ETS1: variants seen among roughly 807,000 people sequenced by gnomAD.
The protein encoded by ETS1 is ETS proto-oncogene 1, transcription factor, also known as protein C-ets-1.
A neutral mutation model predicts 58.6 loss-of-function variants in ETS1; 15 were observed. The observed-to-expected ratio is 0.26, with a 90% CI of 0.17 to 0.39. The LOEUF (loss-of-function observed/expected upper bound fraction) is 0.39. ETS1 is among the 10% of genes least tolerant of loss of function. ETS1 has a pLI of 1.00. For missense variants in ETS1, 417 were observed against 610.5 expected (o/e 0.68, Z 3.34); for synonymous variants, 214 against 218.2 (o/e 0.98, Z 0.17).
chr11:128,546,380 G>C (rs1409050597), intron 3 of ETS1, among the ~76,000 whole-genome samples: 1 of 152,138 alleles, frequency 6.6e-6, no homozygotes, highest in Non-Finnish European at 1.5e-5. Flanking sequence ...AGTCATTCCT[G>C]TATACAGTCT....
intron 3 of ETS1, chr11:128,527,129 C>G (rs908718015): frequency 1.1e-5 from 4 of 362,732 alleles, no homozygotes; most frequent in Middle Eastern, 7.5e-4. Flanking sequence ...AATCCAACTT[C>G]TCTACACTGG....
In ETS1 at chr11:128,458,907, G is replaced by A. The variant is rs1359103629; in HGVS notation, c.*3454C>T. On this transcript the variant is annotated 3_prime_UTR_variant, in exon 10 of 10. Transcript: ENST00000392668. This position sits in a 1 kb window ranked among gnomAD's most constrained non-coding sequence, Gnocchi z 4.3. ...AAACAAACAAAAAACTCCGCCATAA[G>A]AATTTTTTTGCATTTTTTTTTAAAA... 1 of 152,362 alleles carries A rather than the reference G, an allele frequency of 6.6e-6. No homozygotes were observed. Among genetic ancestry groups the A allele is most frequent in the Admixed American group, 6.6e-5 (1 of 15,232 alleles). The allele number at this position is 152,362 out of a possible 1,614,324, so 9.4% of individuals were successfully genotyped here. A position where few individuals can be genotyped will look rare whatever the true frequency, so the allele number is the denominator to read the frequency against.
At chr11:128,574,586 G>A (rs1864704984) in intron 1 of ETS1, among the ~76,000 whole-genome samples, 1 of 152,116 alleles carries the variant, frequency 6.6e-6, no homozygotes, top group Admixed American at 6.5e-5. Context: ...AGAACAGTGA[G>A]TACCTATGAT....
intron 1 of ETS1, among the ~76,000 whole-genome samples, chr11:128,577,082 C>G (rs11221360): frequency 0.069 from 10,467 of 152,206 alleles, 526 homozygotes; most frequent in South Asian, 0.14. Context: ...TCATTTTTGT[C>G]TTCAGCACTT....
At chr11:128,483,730 T>C (rs1405297536) in intron 7 of ETS1, among the ~76,000 whole-genome samples, 1 of 152,200 alleles carries the variant, frequency 6.6e-6, no homozygotes, top group Non-Finnish European at 1.5e-5. Context: ...ACAATGGGCA[T>C]GACCCATGAT....
intron 3 of ETS1, among the ~76,000 whole-genome samples, chr11:128,496,054 C>G (rs1428900368): frequency 2.0e-5 from 3 of 151,978 alleles, no homozygotes; most frequent in African/African-American, 7.3e-5. Context: ...TCATTTCACC[C>G]ACAAATATTT....
intron 6 of ETS1, 105 bp from the exon 7 acceptor site, chr11:128,485,176 A>G: frequency 1.1e-6 from 1 of 936,626 alleles, no homozygotes. Context: ...CTCCTTAGAG[A>G]ATAAGGGAAA....
intron 3 of ETS1, among the ~76,000 whole-genome samples, chr11:128,502,466 C>A (rs925352730): frequency 1.3e-5 from 2 of 152,170 alleles, no homozygotes; most frequent in African/African-American, 4.8e-5. Context: ...TCTGAAACAA[C>A]AGTCTTATTA....
intron 8 of ETS1, among the ~76,000 whole-genome samples, chr11:128,472,171 A>C (rs1218464297): frequency 6.6e-6 from 1 of 152,130 alleles, no homozygotes; most frequent in Non-Finnish European, 1.5e-5. Flanking sequence ...TTAAAGAAAA[A>C]AAGAACAGAG....
intron 3 of ETS1, among the ~76,000 whole-genome samples, chr11:128,505,933 T>C (rs35594775): frequency 0.12 from 17,627 of 152,204 alleles, 1,116 homozygotes; most frequent in Middle Eastern, 0.24. Context: ...CAGACGACAC[T>C]AGCTCACTAC....
At chr11:128,587,270 CAT>C (rs1276656619) in intron 1 of ETS1, among the ~76,000 whole-genome samples, 1 of 151,226 alleles carries the variant, frequency 6.6e-6, no homozygotes, top group Non-Finnish European at 1.5e-5. Flanking sequence ...TTTTTAAAAA[CAT>C]AGTCTTGCTT....
intron 3 of ETS1, among the ~76,000 whole-genome samples, chr11:128,532,805 T>C (rs1863918722): frequency 6.6e-6 from 1 of 152,118 alleles, no homozygotes. Context: ...CTCCAAGAGA[T>C]CACAGCCCTC....
intron 1 of ETS1, among the ~76,000 whole-genome samples, chr11:128,579,788 A>C (rs146776141): frequency 6.6e-6 from 1 of 152,204 alleles, no homozygotes; most frequent in Non-Finnish European, 1.5e-5. Flanking sequence ...TCTTTAATCT[A>C]CAATGTATAG....
rs375471218 is a variant in ETS1, at chr11:128,538,729, A to G, written c.214+17562T>C. Among the ~76,000 whole-genome samples the G allele has an allele frequency of 1.9e-4, 28 of 149,186 alleles. No homozygotes were observed. The South Asian group carries it at 1.9e-3, about 10-fold the overall frequency. On this transcript the variant is annotated intron_variant, in intron 3 of 9. Transcript: ENST00000392668. Reference sequence around the variant, plus strand: ...ATACTGGTAGTTTTATTCAGGTGAAAACACACACACACACACATACACACA... The same window carrying G: ...ATACTGGTAGTTTTATTCAGGTGAAGACACACACACACACACATACACACA...
intron 3 of ETS1, among the ~76,000 whole-genome samples, chr11:128,551,881 C>A (rs1365082079): frequency 6.6e-6 from 1 of 152,126 alleles, no homozygotes; most frequent in Non-Finnish European, 1.5e-5. Flanking sequence ...AAAGTGTGAT[C>A]TCTAGACCAG....
At position 128,493,140 on chromosome 11, in the gene ETS1, C is replaced by T. The variant is rs191905795; in HGVS notation, c.215-2564G>A. On this transcript the variant is annotated intron_variant, in intron 3 of 9. Transcript: ENST00000392668. ...TGGACAAGCAGTGGTTCTGCTGTAGCGGGAACTGAAGAATGAGACTGACTA... is the reference window on the plus strand; with the variant it reads ...TGGACAAGCAGTGGTTCTGCTGTAGTGGGAACTGAAGAATGAGACTGACTA... Among the ~76,000 whole-genome samples the T allele has an allele frequency of 1.4e-3, 218 of 152,282 alleles. 1 individual carries two copies. The highest frequency in any genetic ancestry group is 5.0e-3 in the African/African-American group (207 of 41,538).
intron 1 of ETS1, 72 bp from the exon 2 acceptor site, chr11:128,573,216 C>T (rs1475085807): frequency 9.2e-7 from 1 of 1,091,768 alleles, no homozygotes; most frequent in Admixed American, 2.0e-5. Flanking sequence ...ACAAGGAAGA[C>T]ACGAACCTTA....
At position 128,463,745 on chromosome 11, in the gene ETS1, T is replaced by C. The variant is rs943649781; in HGVS notation, c.1124-118A>G. On this transcript the variant is annotated intron_variant, in intron 8 of 9. Coordinates refer to ENST00000392668, the MANE Select transcript of ETS1 (RefSeq NM_001143820.2). The surrounding 1 kb of genome is among the most constrained non-coding windows in gnomAD (Gnocchi z 4.1). ...CTCAGCCCATCCAGCCAGGAGAAAATGAAGGCAACAGACAGTGCACATGTC... is the reference window on the plus strand; with the variant it reads ...CTCAGCCCATCCAGCCAGGAGAAAACGAAGGCAACAGACAGTGCACATGTC... The C allele has an allele frequency of 7.2e-6, 5 of 692,296 alleles. No homozygotes were observed. The highest frequency in any genetic ancestry group is 5.2e-5 in the African/African-American group (3 of 57,292). The allele number at this position is 692,296 out of a possible 1,614,324, so 42.9% of individuals were successfully genotyped here. A position where few individuals can be genotyped will look rare whatever the true frequency, so the allele number is the denominator to read the frequency against.
intron 1 of ETS1, among the ~76,000 whole-genome samples, chr11:128,577,246 G>C (rs1479266705): frequency 1.3e-5 from 2 of 152,188 alleles, no homozygotes; most frequent in African/African-American, 4.8e-5. Flanking sequence ...ATAGATTGCA[G>C]GTCTAGATAA....
Sources: gnomAD v4.1 joint callset for allele counts (sites outside exome capture counted in the v4.1 genomes callset) on GRCh38, gnomAD v4.1.1 for gene constraint, Gnocchi (gnomAD v3.1) non-coding constraint, MANE v1.5 for transcripts, NCBI Gene and HGNC (gene_info 2026-07-23, HGNC 2026-07-21) for gene names.